PIK3R4: variants seen among roughly 807,000 people sequenced by gnomAD.
PIK3R4 encodes phosphoinositide 3-kinase regulatory subunit 4.
Under a neutral mutation model 136.5 loss-of-function variants are expected in PIK3R4, and 46 were observed. The ratio of observed to expected loss-of-function variants is 0.34; its 90% CI spans 0.27 to 0.43. The LOEUF is 0.43. PIK3R4 is among the 20% of genes least tolerant of loss of function. The pLI is 1.00. For missense variants in PIK3R4, 1,331 were observed against 1,649.5 expected (o/e 0.81, Z 3.35); for synonymous variants, 557 against 566.7 (o/e 0.98, Z 0.24).
chr3:130,690,552 C>A lies in PIK3R4; in HGVS notation c.3201G>T (p.Gln1067His). ...GCTTAGAAGCCTCAATTCCAAGAAG[C>A]TGGACAGCACCATTATCAGATGCTA... ...LAIASDNGAVQLLGIEASKLP... is the reference protein window; with the variant it reads ...LAIASDNGAVHLLGIEASKLP... Residue 1067 changes from glutamine to histidine, a missense_variant, in exon 14 of 20, where the codon CAG becomes CAT. By Grantham distance (24) the Gln-to-His change is conservative. Around this residue, in one of 2 missense-constraint regions of PIK3R4, gnomAD observed 1,180 missense variants for 1,407.0 expected, o/e 0.84. Transcript: ENST00000356763. 1 of 1,613,430 alleles carries A rather than the reference C, an allele frequency of 6.2e-7. No homozygotes were observed. The highest frequency in any genetic ancestry group is 2.2e-5 in the East Asian group (1 of 44,848).
In PIK3R4 at chr3:130,679,394, G is replaced by GTGA. The variant is rs769891029; in HGVS notation, c.3995_3997dup (p.Ile1332dup). On this transcript the variant is annotated inframe_insertion, in exon 20 of 20. Coordinates refer to ENST00000356763, the MANE Select transcript of PIK3R4 (RefSeq NM_014602.3). ...TGTGGTCTGGAATGTGGCGACATCA[G>GTGA]TGATGATGTCATGATGTCCCACGGG... is the stretch of plus-strand genomic sequence containing the variant. The GTGA allele has an allele frequency of 2.4e-5, 39 of 1,606,990 alleles. No individual in the cohort carries two copies. The highest frequency in any genetic ancestry group is 3.0e-5 in the Non-Finnish European group (35 of 1,173,634).
intron 2 of PIK3R4, among the ~76,000 whole-genome samples, chr3:130,740,018 C>A (rs955114125): frequency 6.6e-6 from 1 of 152,114 alleles, no homozygotes. Flanking sequence ...AGTAATGCAC[C>A]TATGGCAACT....
At chr3:130,700,451 T>C (rs1178288424) in intron 13 of PIK3R4, among the ~76,000 whole-genome samples, 2 of 152,186 alleles carry the variant, frequency 1.3e-5, no homozygotes, top group Non-Finnish European at 2.9e-5. Context: ...ATAGAAAATA[T>C]AATTTAGAAT....
Position 130,738,205 on chromosome 3 carries a change from CA to C in PIK3R4, c.734-2204del, listed in dbSNP as rs1381395824. ...AAGGAAACAGAGGACCCGAAAAATACAATTAAAATTAACCAGCTAATGTAAG... is the reference window on the plus strand; with the variant it reads ...AAGGAAACAGAGGACCCGAAAAATACATTAAAATTAACCAGCTAATGTAAG... On this transcript the variant is annotated intron_variant, in intron 2 of 19. Transcript: ENST00000356763. Among the ~76,000 whole-genome samples, 5 of 152,206 alleles carry C rather than the reference CA, an allele frequency of 3.3e-5. No individual in the cohort carries two copies. In the East Asian group the frequency reaches 9.6e-4, roughly 29 times the overall value.
At position 130,718,533 on chromosome 3, in the gene PIK3R4, G is replaced by A. The variant is rs762248039; in HGVS notation, c.1983C>T (p.Ala661=). Reference sequence around the variant, plus strand: ...ATAAATTGGGATGACACAGGAAGGGGGCTAAAGAGGAAAAGAAAAGGTAGG... The same window carrying A: ...ATAAATTGGGATGACACAGGAAGGGAGCTAAAGAGGAAAAGAAAAGGTAGG... ...PHVYEFASDI[A]PFLCHPNLWI... is the part of the protein sequence containing the mutation. The change falls in exon 8 of 20, where the codon GCC becomes GCT. Residue 661 remains alanine, a splice_region_variant and synonymous_variant. Transcript: ENST00000356763. The A allele has an allele frequency of 1.2e-6, 2 of 1,613,604 alleles. No homozygotes were observed. The highest frequency in any genetic ancestry group is 1.1e-5 in the South Asian group (1 of 91,008).
rs555698397 is a variant in PIK3R4, at chr3:130,734,016, T to C, written c.982A>G (p.Met328Val). Residue 328 changes from methionine to valine, a missense_variant, in exon 4 of 20, where the codon ATG becomes GTG. Met to Val is a conservative substitution (Grantham distance 21). Coordinates refer to ENST00000356763, the MANE Select transcript of PIK3R4 (RefSeq NM_014602.3). ...EIFYTFLQPY[M>V]AQFAKETFLS... ...AACGTTTCCTTGGCAAACTGGGCCATGTAGGGCTGAAGAAAAGTGTAAAAT... is the reference window on the plus strand; with the variant it reads ...AACGTTTCCTTGGCAAACTGGGCCACGTAGGGCTGAAGAAAAGTGTAAAAT... The C allele has an allele frequency of 1.2e-6, 2 of 1,614,148 alleles. No individual in the cohort carries two copies. Among genetic ancestry groups the C allele is most frequent in the East Asian group, 2.2e-5 (1 of 44,884 alleles).
chr3:130,739,333 C>T (rs1205943839), intron 2 of PIK3R4, among the ~76,000 whole-genome samples: 1 of 152,176 alleles, frequency 6.6e-6, no homozygotes, highest in African/African-American at 2.4e-5. Context: ...ATCTTGGCCT[C>T]CCAAAGTGCT....
At position 130,745,201 on chromosome 3, in the gene PIK3R4, A is replaced by T; in HGVS notation, c.18T>A (p.Ala6=). The T allele has an allele frequency of 6.2e-7, 1 of 1,601,034 alleles. No individual in the cohort carries two copies. The highest frequency in any genetic ancestry group is 8.5e-7 in the Non-Finnish European group (1 of 1,177,420). The change falls in exon 2 of 20, where the codon GCT becomes GCA. Residue 6 remains alanine (A), a synonymous_variant. Transcript: ENST00000356763. ...AAAGGATCTGGGAGGGAGCAATGCC[A>T]GCAAGCTGATTTCCCATAATGGCAA... MGNQL[A]GIAPSQILSV...
chr3:130,682,712 G>T (rs898338966), intron 16 of PIK3R4, among the ~76,000 whole-genome samples: 1 of 152,064 alleles, frequency 6.6e-6, no homozygotes, highest in African/African-American at 2.4e-5. Context: ...CCATATTACT[G>T]TGCTATCTTT....
rs146732427 is a variant in PIK3R4 at position 130,744,134 on chromosome 3, T to A, written c.733+352A>T. On this transcript the variant is annotated intron_variant, in intron 2 of 19. Transcript: ENST00000356763. ...CCTATGCTTATCACCACCACAGCAATCAACACCGCATTGAAATGTCCTTTT... is the reference window on the plus strand; with the variant it reads ...CCTATGCTTATCACCACCACAGCAAACAACACCGCATTGAAATGTCCTTTT... Among the ~76,000 whole-genome samples, 1,405 of 152,276 alleles carry A rather than the reference T, an allele frequency of 9.2e-3. 20 individuals are homozygous for A. The highest frequency in any genetic ancestry group is 0.053 in the East Asian group (273 of 5,188).
At chr3:130,727,339 GC>G (rs138669368) in intron 6 of PIK3R4, among the ~76,000 whole-genome samples, 2 of 151,414 alleles carry the variant, frequency 1.3e-5, no homozygotes, top group South Asian at 4.1e-4. Context: ...TCCTGCCTCA[GC>G]CCCCCTCCCG....
At chr3:130,693,060 A>C (rs1419921303) in intron 13 of PIK3R4, among the ~76,000 whole-genome samples, 4 of 152,146 alleles carry the variant, frequency 2.6e-5, no homozygotes, top group Non-Finnish European at 1.5e-5. Context: ...ATCTATCTGA[A>C]TACTTAATAT....
At chr3:130,737,553 G>A (rs996978455) in intron 2 of PIK3R4, among the ~76,000 whole-genome samples, 2 of 152,038 alleles carry the variant, frequency 1.3e-5, no homozygotes, top group African/African-American at 4.8e-5. Flanking sequence ...CCAGCTACTT[G>A]GGAGGCTGAG....
intron 15 of PIK3R4, 120 bp downstream of exon 15, chr3:130,686,088 GAAA>G: frequency 1.6e-5 from 8 of 513,076 alleles, no homozygotes; most frequent in South Asian, 5.0e-5. Context: ...ACATGACTAT[GAAA>G]AAAAAAAAAG....
In PIK3R4 at chr3:130,703,829, G is replaced by C. The variant is rs768363132; in HGVS notation, c.2992C>G (p.Arg998Gly). Residue 998 changes from arginine to glycine, a missense_variant, in exon 13 of 20, where the codon CGA becomes GGA. This residue lies in a region of PIK3R4 where 1,180 missense variants were observed against 1,407.0 expected (regional missense o/e 0.84). Transcript: ENST00000356763. ...HLHEHKSAVN[R>G]IRVSDEHSLF... The stretch of plus-strand genomic sequence containing the variant: ...GAGTGTTCATCAGAGACTCTAATTC[G>C]ATTCACAGCAGATTTATGCTCATGA... 6.2e-7 allele frequency: 1 copy of C among 1,612,032 alleles called. No individual in the cohort carries two copies. The highest frequency in any genetic ancestry group is 8.5e-7 in the Non-Finnish European group (1 of 1,178,244).
At chr3:130,720,169 T>C (rs1385434862) in intron 7 of PIK3R4, among the ~76,000 whole-genome samples, 2 of 152,196 alleles carry the variant, frequency 1.3e-5, no homozygotes, top group Non-Finnish European at 2.9e-5. Context: ...TCTAAAGAAC[T>C]GCCTATGAAA....
chr3:130,708,183 C>T (rs1245604732), intron 10 of PIK3R4, 108 bp downstream of exon 10: 1 of 885,478 alleles, frequency 1.1e-6, no homozygotes, highest in Admixed American at 2.3e-5. Context: ...TTTGTAAGTT[C>T]TTTATCTGTG....
At chr3:130,730,165 T>C in intron 5 of PIK3R4, 143 bp downstream of exon 5, 1 of 611,856 alleles carries the variant, frequency 1.6e-6, no homozygotes, top group Non-Finnish European at 2.7e-6. Flanking sequence ...GAGAGAATAA[T>C]TAGACACCAG....
At chr3:130,695,919 G>T (rs2066543389) in intron 13 of PIK3R4, among the ~76,000 whole-genome samples, 1 of 152,002 alleles carries the variant, frequency 6.6e-6, no homozygotes, top group African/African-American at 2.4e-5. Context: ...ATCTCAGCCA[G>T]GGCTTTGTGG....
Sources: gnomAD v4.1 joint callset for allele counts (sites outside exome capture counted in the v4.1 genomes callset) on GRCh38, gnomAD v4.1.1 for gene constraint, gnomAD v4.1.1 regional missense constraint, MANE v1.5 for transcripts, NCBI Gene and HGNC (gene_info 2026-07-23, HGNC 2026-07-21) for gene names.